The following CYP17A1 variants were observed in gnomAD, a reference collection of about 807,000 sequenced individuals.
CYP17A1 encodes steroid 17-alpha-hydroxylase/17,20 lyase.
In CYP17A1, 27 loss-of-function variants were observed where a neutral mutation model predicts 38.5. The ratio of observed to expected loss-of-function variants is 0.70; its 90% CI spans 0.52 to 0.97. The LOEUF (loss-of-function observed/expected upper bound fraction) is 0.97, where lower values mean the gene tolerates loss of function less well. Ranked by LOEUF, CYP17A1 falls within the 50% of genes least tolerant of loss-of-function variation. The pLI is 0.00. For synonymous variants in CYP17A1, 263 were observed against 253.3 expected (o/e 1.04, Z -0.36); for missense variants, 549 against 645.9 (o/e 0.85, Z 1.63).
At position 102,834,058 on chromosome 10, in the gene CYP17A1, T is replaced by C. The variant is rs772191433; in HGVS notation, c.731A>G (p.Asn244Ser). The C allele has an allele frequency of 2.4e-6, 3 of 1,241,402 alleles. No homozygotes were observed. Among genetic ancestry groups the C allele is most frequent in the South Asian group, 2.4e-5 (2 of 83,648 alleles). 76.9% of individuals were successfully genotyped at this position (1,241,402 alleles called of 1,614,324 possible). ...SHVKIRNDLL[N>S]KILENYKEKF... Reference sequence around the variant, plus strand: ...TACCTTGTAATTTTCAAGTATTTTATTCAGCAGATCATTTCGTATTTTAAC... The same window carrying C: ...TACCTTGTAATTTTCAAGTATTTTACTCAGCAGATCATTTCGTATTTTAAC... The change falls in exon 4 of 8, where the codon AAT becomes AGT. Residue 244 changes from asparagine to serine, a missense_variant. Physicochemically the swap from Asn to Ser is conservative, Grantham distance 46. Transcript: ENST00000369887.
At chr10:102,837,035 G>A (rs760564520) in intron 1 of CYP17A1, 30 bp downstream of exon 1, 1 of 1,394,108 alleles carries the variant, frequency 7.2e-7, no homozygotes, top group Non-Finnish European at 1.0e-6. Context: ...GGGTGGTGAA[G>A]GGGGCAGGGA....
chr10:102,835,163 G>C (rs1844143993), intron 2 of CYP17A1, 91 bp downstream of exon 2: 1 of 1,274,316 alleles, frequency 7.8e-7, no homozygotes, highest in African/African-American at 1.5e-5. Flanking sequence ...TTGCGCTCTA[G>C]TCCTAACCCT....
intron 3 of CYP17A1, chr10:102,834,381 C>T: frequency 1.8e-6 from 1 of 561,848 alleles, no homozygotes; most frequent in Non-Finnish European, 3.3e-6. Context: ...GCTGACTCTG[C>T]TATGTGTCCA....
Position 102,831,086 on chromosome 10 carries a change from C to T in CYP17A1, c.1244-101G>A, listed in dbSNP as rs1284547910. On this transcript the variant is annotated intron_variant, in intron 7 of 7. Coordinates refer to ENST00000369887, the MANE Select transcript of CYP17A1 (RefSeq NM_000102.4). ...GGAGACATGGCCCTGCCCAGGGAACCCTGATCTGAGGATGTAGCCTTATTA... is the reference window on the plus strand; with the variant it reads ...GGAGACATGGCCCTGCCCAGGGAACTCTGATCTGAGGATGTAGCCTTATTA... The T allele has an allele frequency of 1.2e-5, 6 of 480,512 alleles. No homozygotes were observed. The Admixed American group carries it at 1.3e-4, about 10-fold the overall frequency. The allele number at this position is 480,512 out of a possible 1,614,324, so 29.8% of individuals were successfully genotyped here.
At chr10:102,832,488 T>C (rs1261522388) in intron 6 of CYP17A1, 23 bp downstream of exon 6, 27 of 1,532,752 alleles carry the variant, frequency 1.8e-5, no homozygotes, top group Non-Finnish European at 2.4e-5. Context: ...TGGGGCTAGA[T>C]GTCACTGGGA....
Position 102,834,303 on chromosome 10 carries a change from GACAATTCTAA to G in CYP17A1, c.667-191_667-182del, listed in dbSNP as rs1234425725. On this transcript the variant is annotated intron_variant, in intron 3 of 7. Transcript: ENST00000369887. ...AGAACGGGTTTATCATGACGACGAA[GACAATTCTAA>G]ACAAGGGAGGAGGGCGTGGTCTCCA... 13 of 629,718 alleles carry G rather than the reference GACAATTCTAA, an allele frequency of 2.1e-5. No individual in the cohort carries two copies. In the Admixed American group the frequency reaches 3.4e-4, roughly 17 times the overall value. 39.0% of individuals were successfully genotyped at this position (629,718 alleles called of 1,614,324 possible).
At chr10:102,831,011 AG>A in intron 7 of CYP17A1, 26 bp from the exon 8 acceptor site, 1 of 1,511,124 alleles carries the variant, frequency 6.6e-7, no homozygotes, top group Non-Finnish European at 9.0e-7. Context: ...GGCATCAGCC[AG>A]GGGTTAGGGC....
At chr10:102,832,830 TG>T in intron 5 of CYP17A1, 150 bp from the exon 6 acceptor site, 1 of 1,428,594 alleles carries the variant, frequency 7.0e-7, no homozygotes, top group Non-Finnish European at 9.7e-7. Flanking sequence ...TTCCAGAAGA[TG>T]GGGCAGCTCT....
intron 7 of CYP17A1, 100 bp from the exon 8 acceptor site, chr10:102,831,085 CCCTG>C: frequency 2.1e-6 from 1 of 484,556 alleles, no homozygotes; most frequent in South Asian, 1.8e-5. Flanking sequence ...GCCCAGGGAA[CCCTG>C]ATCTGAGGAT....
intron 1 of CYP17A1, 176 bp from the exon 2 acceptor site, chr10:102,835,568 A>T (rs551992399): frequency 1.5e-6 from 1 of 684,162 alleles, no homozygotes; most frequent in Admixed American, 2.1e-5. Context: ...GGTAGGACAG[A>T]CCCTAAGGCC....
At chr10:102,832,793 G>GAGCCAC in intron 5 of CYP17A1, 113 bp from the exon 6 acceptor site, 1 of 1,296,842 alleles carries the variant, frequency 7.7e-7, no homozygotes, top group Non-Finnish European at 1.1e-6. Flanking sequence ...TCCCTTCCCA[G>GAGCCAC]TAGTGGCTCT....
Position 102,831,502 on chromosome 10 carries a change from A to T in CYP17A1, c.1243+6T>A, listed in dbSNP as rs1040805396. 1 of 1,613,650 alleles carries T rather than the reference A, an allele frequency of 6.2e-7. No homozygotes were observed. The highest frequency in any genetic ancestry group is 1.3e-5 in the African/African-American group (1 of 74,872). ...TGGCCCAGGGCGCAGGACAGGACAG[A>T]CTCACCAGGCATGAACTGATCCGGC... On this transcript the variant is annotated splice_donor_region_variant and intron_variant, in intron 7 of 7. Transcript: ENST00000369887.
chr10:102,830,917 C>T lies in CYP17A1; in HGVS notation c.1312G>A (p.Gly438Arg). Residue 438 changes from glycine to arginine, a missense_variant, in exon 8 of 8, where the codon GGA (glycine) becomes AGA (arginine). Physicochemically the swap from Gly to Arg is moderately radical, Grantham distance 125. This residue lies in a region of CYP17A1 where 257 missense variants were observed against 307.9 expected (regional missense o/e 0.83). Transcript: ENST00000369887. This position sits in a 1 kb window ranked among gnomAD's most constrained non-coding sequence, Gnocchi z 4.1. ...ATCTCACCTATACAGGAGCGAGGTC[C>T]TGCTCCGAAGGGCAAATAGCTTACT... Reference protein sequence around the residue: ...PSVSYLPFGAGPRSCIGEILA... With the variant: ...PSVSYLPFGARPRSCIGEILA... 6.4e-7 allele frequency: 1 copy of T among 1,573,072 alleles called. No homozygotes were observed.
chr10:102,835,031 C>A lies in CYP17A1; in HGVS notation c.437-17G>T. ...CCTGACAAACTGAAGGGAGAGGGGG[C>A]ATGAGGGTGGGAAATGAATCAGCAC... On this transcript the variant is annotated splice_polypyrimidine_tract_variant and intron_variant, in intron 2 of 7. Coordinates refer to ENST00000369887, the MANE Select transcript of CYP17A1 (RefSeq NM_000102.4). The A allele has an allele frequency of 6.8e-7, 1 of 1,478,514 alleles. No individual in the cohort carries two copies. The highest frequency in any genetic ancestry group is 9.4e-7 in the Non-Finnish European group (1 of 1,064,816). The allele number at this position is 1,478,514 out of a possible 1,614,324, so 91.6% of individuals were successfully genotyped here. A position where few individuals can be genotyped will look rare whatever the true frequency, so the allele number is the denominator to read the frequency against.
At chr10:102,835,448 C>T (rs1844151273) in intron 1 of CYP17A1, 56 bp from the exon 2 acceptor site, 13 of 1,456,448 alleles carry the variant, frequency 8.9e-6, no homozygotes, top group Non-Finnish European at 9.6e-6. Context: ...CACTCTTGCC[C>T]TTACACCTCT....
rs974635568 is a variant in CYP17A1 at position 102,837,125 on chromosome 10, G to C, written c.237C>G (p.His79Gln). Residue 79 changes from histidine (H) to glutamine (Q), a missense_variant, in exon 1 of 8, where the codon CAC becomes CAG. Physicochemically the swap from His to Gln is conservative, Grantham distance 24. Around this residue, in one of 3 missense-constraint regions of CYP17A1, gnomAD observed 289 missense variants for 320.9 expected, o/e 0.90. Coordinates refer to ENST00000369887, the MANE Select transcript of CYP17A1 (RefSeq NM_000102.4). Reference protein sequence around the residue: ...GTKTTVIVGHHQLAKEVLIKK... With the variant: ...GTKTTVIVGHQQLAKEVLIKK... ...TAATAAGCACCTCCTTGGCCAGCTGGTGGTGGCCGACAATCACTGTAGTCT... is the reference window on the plus strand; with the variant it reads ...TAATAAGCACCTCCTTGGCCAGCTGCTGGTGGCCGACAATCACTGTAGTCT... 1 of 1,601,974 alleles carries C rather than the reference G, an allele frequency of 6.2e-7. No homozygotes were observed. Among genetic ancestry groups the C allele is most frequent in the Non-Finnish European group, 8.6e-7 (1 of 1,168,802 alleles).
At chr10:102,837,041 AG>A (rs1253679939) in intron 1 of CYP17A1, 23 bp downstream of exon 1, 1 of 1,436,988 alleles carries the variant, frequency 7.0e-7, no homozygotes, top group Non-Finnish European at 9.8e-7. Context: ...TGAAGGGGGC[AG>A]GGAGGAGATG....
At chr10:102,832,010 G>A (rs1236104096) in intron 6 of CYP17A1, among the ~76,000 whole-genome samples, 2 of 152,164 alleles carry the variant, frequency 1.3e-5, no homozygotes, top group South Asian at 2.1e-4. Context: ...GAGTCAATGC[G>A]TGTCTGTAGG....
chr10:102,834,052 AT>A lies in CYP17A1; in HGVS notation c.736del (p.Ile246TyrfsTer21). ...ATCACCTACCTTGTAATTTTCAAGTATTTTATTCAGCAGATCATTTCGTATT... is the reference window on the plus strand; with the variant it reads ...ATCACCTACCTTGTAATTTTCAAGTATTTATTCAGCAGATCATTTCGTATT... Reference protein sequence around the residue: ...VKIRNDLLNKILENYKEKFRS... With the variant: ...VKIRNDLLNKXLENYKEKFRS... On this transcript the variant is annotated frameshift_variant, in exon 4 of 8. Transcript: ENST00000369887. LOFTEE classifies it high-confidence loss of function. The A allele has an allele frequency of 2.5e-6, 3 of 1,222,158 alleles. No individual in the cohort carries two copies. Among genetic ancestry groups the A allele is most frequent in the Non-Finnish European group, 3.7e-6 (3 of 821,638 alleles). 75.7% of individuals were successfully genotyped at this position (1,222,158 alleles called of 1,614,324 possible).
Sources: gnomAD v4.1 joint callset for allele counts (sites outside exome capture counted in the v4.1 genomes callset) on GRCh38, gnomAD v4.1.1 for gene constraint, gnomAD v4.1.1 regional missense constraint, Gnocchi (gnomAD v3.1) non-coding constraint, MANE v1.5 for transcripts, NCBI Gene and HGNC (gene_info 2026-07-23, HGNC 2026-07-21) for gene names.